CTPS2: variants seen among roughly 807,000 people sequenced by gnomAD.
CTPS2 encodes the protein CTP synthase II.
Under a neutral mutation model 46.8 loss-of-function variants are expected in CTPS2, and 19 were observed. The ratio of observed to expected loss-of-function variants is 0.41; its 90% CI spans 0.28 to 0.60. The LOEUF is 0.60. Ranked by LOEUF, CTPS2 falls within the 20% of genes least tolerant of loss-of-function variation. The probability of loss-of-function intolerance (pLI) is 0.35; values close to 1 mark genes in which losing one functional copy is unlikely to be tolerated. For synonymous variants in CTPS2, 151 were observed against 165.2 expected (o/e 0.91, Z 0.66); for missense variants, 286 against 447.6 (o/e 0.64, Z 3.26).
intron 13 of CTPS2, chrX:16,651,180 TGGTGGGAGGGGAG>T: frequency 1.8e-5 from 6 of 328,086 alleles, no homozygotes; most frequent in Non-Finnish European, 3.0e-5. Context: ...ATGGGACTGA[TGGTGGGAGGGGAG>T]GGAGGGAGGG....
At chrX:16,701,814 C>T (rs913612701) in intron 2 of CTPS2, among the ~76,000 whole-genome samples, 16 of 107,982 alleles carry the variant, frequency 1.5e-4, no homozygotes, top group South Asian at 4.1e-4. Context: ...TTAGCCAGGA[C>T]GGTCTCGATC....
intron 8 of CTPS2, among the ~76,000 whole-genome samples, chrX:16,685,151 A>G (rs1390515326): frequency 8.9e-6 from 1 of 111,791 alleles, no homozygotes; most frequent in African/African-American, 3.2e-5. Flanking sequence ...AGTAGTAGAG[A>G]TGATGTCAGA....
Position 16,678,442 on chromosome X carries a change from G to A in CTPS2, c.1014C>T (p.Asp338=), listed in dbSNP as rs907503265. Residue 338 remains aspartate (D), a synonymous_variant, in exon 10 of 19, where the codon GAC becomes GAT. Transcript: ENST00000359276. ...CAGTGATCTTCTCCAGATCAATGGA[G>A]TCTATGTACTAAAAAACATCCAACA... ...INHKLNLMYI[D]SIDLEKITET... The A allele has an allele frequency of 2.6e-6, 3 of 1,174,408 alleles. No individual in the cohort carries two copies. The highest frequency in any genetic ancestry group is 2.3e-6 in the Non-Finnish European group (2 of 865,155).
rs1453574837 is a variant in CTPS2, at chrX:16,698,562, T to A, written c.338-226A>T. 2.7e-5 allele frequency among the ~76,000 whole-genome samples: 3 copies of A among 111,047 alleles called. No individual in the cohort carries two copies. In the East Asian group the frequency reaches 8.5e-4, roughly 31 times the overall value. The stretch of plus-strand genomic sequence containing the variant: ...GTTTTTTTGGCTTTGTTTTGTTTTT[T>A]TTTTTTAAGATGGAGTCTCACTCTG... On this transcript the variant is annotated intron_variant, in intron 3 of 18. Coordinates refer to ENST00000359276, the MANE Select transcript of CTPS2 (RefSeq NM_175859.3).
At chrX:16,657,582 G>T (rs1321689905) in intron 13 of CTPS2, among the ~76,000 whole-genome samples, 1 of 111,482 alleles carries the variant, frequency 9.0e-6, no homozygotes, top group Non-Finnish European at 1.9e-5. Context: ...TGGGCAGATG[G>T]GGGGGCAGGA....
At chrX:16,633,806 A>C (rs749889304) in intron 14 of CTPS2, among the ~76,000 whole-genome samples, 2 of 112,232 alleles carry the variant, frequency 1.8e-5, no homozygotes, top group African/African-American at 6.5e-5. Context: ...CAGGGACACA[A>C]GTACAGTGAA....
chrX:16,634,675 G>A (rs1186699302), intron 14 of CTPS2, among the ~76,000 whole-genome samples: 1 of 112,345 alleles, frequency 8.9e-6, no homozygotes, highest in Admixed American at 9.4e-5. Flanking sequence ...TCGGCTGGGT[G>A]CAGTAGCTCA....
At chrX:16,633,088 T>G (rs1931568430) in intron 14 of CTPS2, among the ~76,000 whole-genome samples, 1 of 101,034 alleles carries the variant, frequency 9.9e-6, no homozygotes, top group South Asian at 4.7e-4. Flanking sequence ...TCTTTTGTTT[T>G]TTTTTTTTTT....
At chrX:16,631,882 A>C (rs1242868067) in intron 14 of CTPS2, among the ~76,000 whole-genome samples, 1 of 111,817 alleles carries the variant, frequency 8.9e-6, no homozygotes, top group African/African-American at 3.3e-5. Flanking sequence ...AAAACAATAA[A>C]GTTTATTTTT....
chrX:16,610,876 G>C lies in CTPS2; in HGVS notation c.1547-1191C>G, dbSNP rs143244505. ...TATGCAGCCATAAAAACGAAACCATGTCCTTTGCAGCAACATGGATGCAGC... is the reference window on the plus strand; with the variant it reads ...TATGCAGCCATAAAAACGAAACCATCTCCTTTGCAGCAACATGGATGCAGC... On this transcript the variant is annotated intron_variant, in intron 16 of 18. Coordinates refer to ENST00000359276, the MANE Select transcript of CTPS2 (RefSeq NM_175859.3). Among the ~76,000 whole-genome samples the C allele has an allele frequency of 3.5e-3, 397 of 112,343 alleles. 1 individual carries two copies. The highest frequency in any genetic ancestry group is 0.012 in the African/African-American group (370 of 30,966).
At chrX:16,700,420 T>C (rs1481383711) in intron 2 of CTPS2, among the ~76,000 whole-genome samples, 5 of 108,208 alleles carry the variant, frequency 4.6e-5, no homozygotes, top group Non-Finnish European at 7.6e-5. Flanking sequence ...CCCGGCCTAT[T>C]ATTTTTTTAA....
chrX:16,603,643 C>A (rs752268167), intron 17 of CTPS2, among the ~76,000 whole-genome samples: 13 of 109,610 alleles, frequency 1.2e-4, no homozygotes, highest in Non-Finnish European at 2.5e-4. Context: ...GAATCATATA[C>A]AGGTATAGGC....
At chrX:16,660,011 G>A (rs1932908384) in intron 13 of CTPS2, among the ~76,000 whole-genome samples, 1 of 111,817 alleles carries the variant, frequency 8.9e-6, no homozygotes, top group South Asian at 3.7e-4. Flanking sequence ...GAATAATGCT[G>A]CAACAAACAT....
chrX:16,633,335 C>T (rs771102981), intron 14 of CTPS2, among the ~76,000 whole-genome samples: 1 of 111,399 alleles, frequency 9.0e-6, no homozygotes, highest in East Asian at 2.8e-4. Context: ...ATTCAACAGA[C>T]TATGGCCCAG....
intron 17 of CTPS2, among the ~76,000 whole-genome samples, chrX:16,606,957 C>T (rs766754474): frequency 8.9e-6 from 1 of 111,899 alleles, no homozygotes; most frequent in Non-Finnish European, 1.9e-5. Flanking sequence ...TCACCATGTT[C>T]GCCAGGCTGG....
At chrX:16,702,337 A>G (rs948888090) in intron 2 of CTPS2, among the ~76,000 whole-genome samples, 3 of 112,485 alleles carry the variant, frequency 2.7e-5, no homozygotes, top group Admixed American at 9.5e-5. Flanking sequence ...TACAGGCATG[A>G]GCCACCGCAC....
chrX:16,681,834 C>T (rs182868645), intron 9 of CTPS2, among the ~76,000 whole-genome samples: 32 of 111,856 alleles, frequency 2.9e-4, no homozygotes, highest in South Asian at 1.5e-3. Flanking sequence ...CAGGCGTGAA[C>T]TACTTCGCCT....
chrX:16,589,227 G>A lies in CTPS2; in HGVS notation c.*590C>T, dbSNP rs1172534134. ...ATACTCAGACTGTATTGCTGATCTTGATTCCTGAGTTTTTTGGAGCCCCCT... is the reference window on the plus strand; with the variant it reads ...ATACTCAGACTGTATTGCTGATCTTAATTCCTGAGTTTTTTGGAGCCCCCT... On this transcript the variant is annotated 3_prime_UTR_variant, in exon 19 of 19. Coordinates refer to ENST00000359276, the MANE Select transcript of CTPS2 (RefSeq NM_175859.3). The A allele has an allele frequency of 2.7e-5, 3 of 111,907 alleles. No individual in the cohort carries two copies. Among genetic ancestry groups the A allele is most frequent in the Non-Finnish European group, 5.6e-5 (3 of 53,213 alleles). 9.2% of individuals were successfully genotyped at this position (111,907 alleles called of 1,213,427 possible). A position where few individuals can be genotyped will look rare whatever the true frequency, so the allele number is the denominator to read the frequency against.
intron 6 of CTPS2, among the ~76,000 whole-genome samples, chrX:16,692,462 G>A (rs1215479578): frequency 3.6e-5 from 4 of 110,270 alleles, no homozygotes; most frequent in South Asian, 7.7e-4. Context: ...GCCAGACCCC[G>A]TCTCAAAAAG....
Sources: gnomAD v4.1 joint callset for allele counts (sites outside exome capture counted in the v4.1 genomes callset) on GRCh38, gnomAD v4.1.1 for gene constraint, MANE v1.5 for transcripts, NCBI Gene and HGNC (gene_info 2026-07-23, HGNC 2026-07-21) for gene names.